HLA-F: variants seen among roughly 807,000 people sequenced by gnomAD.
The protein encoded by HLA-F is HLA class I histocompatibility antigen, alpha chain F.
HLA-F carries 46 observed loss-of-function variants against 49.5 expected under a neutral mutation model. The ratio of observed to expected loss-of-function variants is 0.93; its 90% CI spans 0.73 to 1.19. HLA-F has a LOEUF of 1.19. Ranked by LOEUF, HLA-F falls within the 50% of genes most tolerant of loss-of-function variation. HLA-F has a pLI of 0.00. For missense variants in HLA-F, 496 were observed against 579.6 expected (o/e 0.86, Z 1.48); for synonymous variants, 203 against 233.5 (o/e 0.87, Z 1.19).
chr6:29,725,957 ACCTTATGGCCCTGCCT>A, intron 5 of HLA-F, 38 bp from the exon 6 acceptor site: 1 of 1,598,398 alleles, frequency 6.3e-7, no homozygotes, highest in Non-Finnish European at 8.6e-7. Flanking sequence ...TTGCTCTAGG[ACCTTATGGCCCTGCCT>A]CCTTTCTGGC....
chr6:29,734,258 C>T (rs1776873366), intron 3 of HLA-F, among the ~76,000 whole-genome samples: 1 of 152,206 alleles, frequency 6.6e-6, no homozygotes, highest in Non-Finnish European at 1.5e-5. Context: ...GTTAGTTCCT[C>T]TGCTGTGAAC....
At chr6:29,727,635 C>T (rs17875386), downstream of HLA-F, among the ~76,000 whole-genome samples, 2,401 of 152,264 alleles carry the variant, frequency 0.016, 62 homozygotes, top group African/African-American at 0.055. Flanking sequence ...GGAGCTGTGA[C>T]CGCACATTCA....
At chr6:29,734,671 C>A (rs1171935739) in intron 3 of HLA-F, among the ~76,000 whole-genome samples, 1 of 152,138 alleles carries the variant, frequency 6.6e-6, no homozygotes, top group African/African-American at 2.4e-5. Context: ...TACATGAACA[C>A]AAAATTTACC....
chr6:29,727,987 A>G (rs1230337637), downstream of HLA-F: 1 of 518,962 alleles, frequency 1.9e-6, no homozygotes, highest in East Asian at 5.4e-5. Context: ...TACCTCTCAA[A>G]CAAGTATTCT....
downstream of HLA-F, among the ~76,000 whole-genome samples, chr6:29,731,834 C>T (rs1288450399): frequency 6.6e-6 from 1 of 150,852 alleles, no homozygotes; most frequent in African/African-American, 2.4e-5. Flanking sequence ...CCATCATAAT[C>T]AGTAAATAGC....
downstream of HLA-F, among the ~76,000 whole-genome samples, chr6:29,730,259 A>C (rs9258191): frequency 0.1 from 15,431 of 152,268 alleles, 1,109 homozygotes; most frequent in African/African-American, 0.19. Context: ...GGTTGGATGA[A>C]CCTTGAGAAC....
At position 29,723,717 on chromosome 6, in the gene HLA-F, C is replaced by T. The variant is rs778428087; in HGVS notation, c.124C>T (p.Arg42Cys). The part of the protein sequence containing the change: ...AVSRPGRGEP[R>C]YIAVEYVDDT... ...GTCGCGGCCCGGCCGCGGGGAGCCC[C>T]GCTACATCGCCGTGGAGTACGTAGA... The change falls in exon 2 of 7, where the codon CGC (arginine) becomes TGC (cysteine). Residue 42 changes from arginine (R) to cysteine (C), a missense_variant. Transcript: ENST00000259951. The T allele has an allele frequency of 1.9e-6, 3 of 1,611,920 alleles. No homozygotes were observed. In the Admixed American group the frequency reaches 5.0e-5, roughly 27 times the overall value.
intron 3 of HLA-F, among the ~76,000 whole-genome samples, chr6:29,734,259 T>C (rs189285755): frequency 7.9e-5 from 12 of 152,340 alleles, no homozygotes; most frequent in Admixed American, 3.3e-4. Context: ...TTAGTTCCTC[T>C]GCTGTGAACT....
chr6:29,727,026 T>C lies in HLA-F; in HGVS notation c.1180T>C (p.Phe394Leu), dbSNP rs1170927482. ...GAAGGTGGGTGACATGTGGATCTTGTTTTTTTTGTGGCTGTGGACATCTTT... is the reference window on the plus strand; with the variant it reads ...GAAGGTGGGTGACATGTGGATCTTGCTTTTTTTGTGGCTGTGGACATCTTT... The part of the protein sequence containing the change: ...RRKVGDMWIL[F>L]FLWLWTSFNT... Residue 394 changes from phenylalanine (F) to leucine (L), a missense_variant, in exon 7 of 7, where the codon TTT (phenylalanine) becomes CTT (leucine). By Grantham distance (22) the Phe-to-Leu change is conservative. Transcript: ENST00000259951. The C allele has an allele frequency of 6.2e-7, 1 of 1,612,578 alleles. No homozygotes were observed.
chr6:29,724,688 A>C lies in HLA-F; in HGVS notation c.610+240A>C, dbSNP rs368156595. 2.4e-3 allele frequency among the ~76,000 whole-genome samples: 332 copies of C among 139,264 alleles called. 8 individuals carry two copies. The highest frequency in any genetic ancestry group is 0.015 in the Middle Eastern group (4 of 270). The allele number at this position is 139,264 out of a possible 152,430, so 91.4% of individuals were successfully genotyped here. A position where few individuals can be genotyped will look rare whatever the true frequency, so the allele number is the denominator to read the frequency against. On this transcript the variant is annotated intron_variant, in intron 3 of 6. Transcript: ENST00000259951. ...GGAATGGAGGGAAGACAGTCCCTGGAATACCGATCCGCGGTCCCCTTTGAG... is the reference window on the plus strand; with the variant it reads ...GGAATGGAGGGAAGACAGTCCCTGGCATACCGATCCGCGGTCCCCTTTGAG...
downstream of HLA-F, among the ~76,000 whole-genome samples, chr6:29,730,901 C>T (rs565569043): frequency 4.6e-5 from 7 of 152,296 alleles, no homozygotes; most frequent in East Asian, 1.4e-3. Flanking sequence ...CTCACACCAG[C>T]CTTTTGTCAC....
At chr6:29,723,967 C>A (rs2076181) in intron 2 of HLA-F, 40 bp downstream of exon 2, 1 of 1,571,840 alleles carries the variant, frequency 6.4e-7, no homozygotes, top group South Asian at 1.2e-5. Context: ...ACGACCACCC[C>A]CCATCCGCCA....
rs2235383 is a variant in HLA-F at position 29,725,722 on chromosome 6, A to G, written c.1003+159A>G. Among the ~76,000 whole-genome samples, 27,192 of 152,090 alleles carry G rather than the reference A, an allele frequency of 0.18. 2,840 individuals carry two copies. The highest frequency in any genetic ancestry group is 0.3 in the South Asian group (1,435 of 4,812). ...TGTGCCAGCACCTACTCATTTGTAA[A>G]GCTCCTGTGAAAATGAAGGACAGAT... On this transcript the variant is annotated intron_variant, in intron 5 of 6. Coordinates refer to ENST00000259951, the MANE Select transcript of HLA-F (RefSeq NM_001098479.2).
In HLA-F at chr6:29,724,167, G is replaced by C. The variant is rs761406720; in HGVS notation, c.335-6G>C. 9 of 1,612,822 alleles carry C rather than the reference G, an allele frequency of 5.6e-6. No homozygotes were observed. Among genetic ancestry groups the C allele is most frequent in the Non-Finnish European group, 6.8e-6 (8 of 1,179,882 alleles). ...CTGGGCGGGGCTGACTGCGGGGACC[G>C]GCTAGGGTCTCACACCCTCCAGGGA... is the stretch of plus-strand genomic sequence containing the variant. On this transcript the variant is annotated splice_region_variant and splice_polypyrimidine_tract_variant and intron_variant, in intron 2 of 6. Coordinates refer to ENST00000259951, the MANE Select transcript of HLA-F (RefSeq NM_001098479.2).
At chr6:29,735,005 T>C (rs1404813131) in intron 3 of HLA-F, 4 of 152,182 alleles carry the variant, frequency 2.6e-5, no homozygotes, top group Admixed American at 2.6e-4. Flanking sequence ...TCATTCCTTT[T>C]ATGGCTAAAT....
chr6:29,731,966 G>T (rs1460846820), downstream of HLA-F, among the ~76,000 whole-genome samples: 3 of 152,124 alleles, frequency 2.0e-5, no homozygotes, highest in Non-Finnish European at 4.4e-5. Context: ...AGTAGTCTAT[G>T]AATTTATTTA....
At chr6:29,735,836 T>C (rs984638954) in intron 3 of HLA-F, 4 of 152,176 alleles carry the variant, frequency 2.6e-5, no homozygotes, top group Admixed American at 2.6e-4. Flanking sequence ...GTTCTGTTTA[T>C]TTTTCTTCAT....
At chr6:29,729,041 GA>G (rs1052656056), downstream of HLA-F, 1 of 152,030 alleles carries the variant, frequency 6.6e-6, no homozygotes, top group Non-Finnish European at 1.5e-5. Flanking sequence ...TGTTTCTGAA[GA>G]AAACCAGGGG....
chr6:29,728,927 G>T (rs1048392703), downstream of HLA-F: 1 of 152,112 alleles, frequency 6.6e-6, no homozygotes, highest in Non-Finnish European at 1.5e-5. Flanking sequence ...GATTCCTGAG[G>T]TTTATTTTAC....
Sources: allele counts gnomAD v4.1 joint callset (sites outside exome capture counted in the v4.1 genomes callset), GRCh38; gene constraint gnomAD v4.1.1; transcripts MANE v1.5; gene names NCBI Gene and HGNC (gene_info 2026-07-23, HGNC 2026-07-21).